Variants in ZBTB20 observed in about 807,000 individuals in gnomAD.
ZBTB20 encodes zinc finger and BTB domain containing 20, also known as zinc finger and BTB domain-containing protein 20.
A neutral mutation model predicts 56.9 loss-of-function variants in ZBTB20; 9 were observed. The ratio of observed to expected loss-of-function variants is 0.16; its 90% CI spans 0.10 to 0.28. The LOEUF (loss-of-function observed/expected upper bound fraction) is 0.28, where lower values mean the gene tolerates loss of function less well. Among genes scored for constraint, ZBTB20 ranks in the 10% least tolerant of loss-of-function variants. ZBTB20 has a pLI of 1.00. For missense variants in ZBTB20, 655 were observed against 1,003.0 expected (o/e 0.65, Z 4.69); for synonymous variants, 417 against 420.7 (o/e 0.99, Z 0.11).
chr3:114,380,791 T>G lies in ZBTB20; in HGVS notation c.-4A>C. The G allele has an allele frequency of 6.6e-7, 1 of 1,511,122 alleles. No homozygotes were observed. Among genetic ancestry groups the G allele is most frequent in the Non-Finnish European group, 8.8e-7 (1 of 1,137,854 alleles). 93.6% of individuals were successfully genotyped at this position (1,511,122 alleles called of 1,614,324 possible). ...GGAAGTTTTACCGTTCTAGCATTTG[T>G]CAGGAAGCTTAGAGACAGGACTCGT... On this transcript the variant is annotated 5_prime_UTR_variant, in exon 9 of 12. Coordinates refer to ENST00000675478, the MANE Select transcript of ZBTB20 (RefSeq NM_001348800.3).
intron 6 of ZBTB20, among the ~76,000 whole-genome samples, chr3:114,686,872 T>C (rs2062373044): frequency 6.6e-6 from 1 of 152,150 alleles, no homozygotes; most frequent in Non-Finnish European, 1.5e-5. Flanking sequence ...GACCTCACCC[T>C]CTTGGATCAG....
intron 3 of ZBTB20, among the ~76,000 whole-genome samples, chr3:114,935,079 AT>A (rs1560415474): frequency 6.6e-6 from 1 of 152,168 alleles, no homozygotes; most frequent in South Asian, 2.1e-4. Flanking sequence ...GAAAAAATCA[AT>A]TTGGGTCATG....
chr3:114,455,898 C>A (rs2091983814), intron 7 of ZBTB20, among the ~76,000 whole-genome samples: 1 of 152,032 alleles, frequency 6.6e-6, no homozygotes, highest in African/African-American at 2.4e-5. Context: ...CCCCAGAGAT[C>A]AATCTCTCCC....
chr3:114,957,952 A>G lies in ZBTB20; in HGVS notation c.-456+16414T>C, dbSNP rs573987521. On this transcript the variant is annotated intron_variant, in intron 3 of 11. Transcript: ENST00000675478. ...CACCCATCAATCTAATACTAAATTC[A>G]TTAGCAAAATGAAATGAAAAGAACA... is the stretch of plus-strand genomic sequence containing the variant. Among the ~76,000 whole-genome samples, 6 of 152,302 alleles carry G rather than the reference A, an allele frequency of 3.9e-5. No homozygotes were observed. In the South Asian group the frequency reaches 1.2e-3, roughly 32 times the overall value.
intron 11 of ZBTB20, among the ~76,000 whole-genome samples, chr3:114,340,796 T>C (rs1012568008): frequency 2.0e-5 from 3 of 152,188 alleles, no homozygotes; most frequent in Non-Finnish European, 4.4e-5. Flanking sequence ...AGGATAATAT[T>C]TCAACATTTG....
chr3:114,468,209 G>A (rs1009867904), intron 7 of ZBTB20, among the ~76,000 whole-genome samples: 21 of 152,172 alleles, frequency 1.4e-4, no homozygotes, highest in African/African-American at 5.1e-4. Context: ...CTTTTCTCAA[G>A]TATTTAAAAC....
intron 6 of ZBTB20, among the ~76,000 whole-genome samples, chr3:114,543,496 G>A (rs2049359354): frequency 6.6e-6 from 1 of 152,126 alleles, no homozygotes; most frequent in Non-Finnish European, 1.5e-5. Context: ...TCAAGCCTTA[G>A]CCCCCATCTC....
At chr3:114,618,472 G>T (rs931957225) in intron 6 of ZBTB20, among the ~76,000 whole-genome samples, 1 of 151,406 alleles carries the variant, frequency 6.6e-6, no homozygotes, top group Non-Finnish European at 1.5e-5. Context: ...TACCCAGACT[G>T]GTCTCAAACT....
At chr3:114,996,875 G>GA (rs1036290940) in intron 2 of ZBTB20, among the ~76,000 whole-genome samples, 31 of 151,186 alleles carry the variant, frequency 2.1e-4, no homozygotes, top group African/African-American at 6.8e-4. Flanking sequence ...AATAAACATG[G>GA]AAAAAAAAGC....
intron 5 of ZBTB20, among the ~76,000 whole-genome samples, chr3:114,740,974 A>C (rs1223469829): frequency 6.6e-6 from 1 of 152,194 alleles, no homozygotes; most frequent in African/African-American, 2.4e-5. Context: ...TGGAGATAAA[A>C]ATAATATTAT....
rs1456973394 is a variant in ZBTB20, at chr3:114,434,338, T to TC, written c.-254-45234dup. On this transcript the variant is annotated intron_variant, in intron 7 of 11. Coordinates refer to ENST00000675478, the MANE Select transcript of ZBTB20 (RefSeq NM_001348800.3). ...AAGGAGTATGAGTTGGAATCCATGTTCTCTAGATGTGACGATGGAGTTCGG... is the reference window on the plus strand; with the variant it reads ...AAGGAGTATGAGTTGGAATCCATGTTCCTCTAGATGTGACGATGGAGTTCGG... Among the ~76,000 whole-genome samples, 17 of 152,060 alleles carry TC rather than the reference T, an allele frequency of 1.1e-4. No homozygotes were observed. The East Asian group carries it at 3.1e-3, about 28-fold the overall frequency.
chr3:114,428,691 C>T (rs2089899511), intron 7 of ZBTB20, among the ~76,000 whole-genome samples: 2 of 152,198 alleles, frequency 1.3e-5, no homozygotes, highest in Admixed American at 1.3e-4. Flanking sequence ...CAAATAATTT[C>T]ATTTGTGATT....
intron 2 of ZBTB20, among the ~76,000 whole-genome samples, chr3:115,014,298 G>C (rs1028643288): frequency 6.6e-6 from 1 of 151,448 alleles, no homozygotes; most frequent in African/African-American, 2.4e-5. Flanking sequence ...AAGTGGGGAT[G>C]GTTAATGGGT....
At chr3:114,855,321 C>A (rs545911813) in intron 4 of ZBTB20, among the ~76,000 whole-genome samples, 2 of 152,076 alleles carry the variant, frequency 1.3e-5, no homozygotes. Context: ...AAAACAAAGA[C>A]AGAATGATGA....
At chr3:114,993,431 C>T (rs2078900909) in intron 2 of ZBTB20, among the ~76,000 whole-genome samples, 1 of 151,778 alleles carries the variant, frequency 6.6e-6, no homozygotes. Context: ...TTTGAACTAA[C>T]TGATGTGTAA....
intron 3 of ZBTB20, among the ~76,000 whole-genome samples, chr3:114,948,293 C>T (rs2076951546): frequency 1.4e-5 from 2 of 144,222 alleles, no homozygotes; most frequent in Admixed American, 1.3e-4. Context: ...ACTCAGCAAA[C>T]TCACGAATTG....
At chr3:114,850,337 A>T (rs970674000) in intron 4 of ZBTB20, among the ~76,000 whole-genome samples, 1 of 152,134 alleles carries the variant, frequency 6.6e-6, no homozygotes, top group African/African-American at 2.4e-5. Flanking sequence ...TATAAACAGG[A>T]TTTTTCATAG....
intron 1 of ZBTB20, among the ~76,000 whole-genome samples, chr3:115,130,033 A>G (rs1269616234): frequency 2.6e-5 from 4 of 152,208 alleles, no homozygotes; most frequent in Non-Finnish European, 4.4e-5. Flanking sequence ...GATTTTCATT[A>G]TCATCACTGT....
intron 7 of ZBTB20, among the ~76,000 whole-genome samples, chr3:114,451,162 A>G (rs2109027172): frequency 6.6e-6 from 1 of 150,640 alleles, no homozygotes; most frequent in South Asian, 2.1e-4. Flanking sequence ...CCACAGACAC[A>G]TCGTTCACTA....
Sources: allele counts gnomAD v4.1 joint callset (sites outside exome capture counted in the v4.1 genomes callset), GRCh38; gene constraint gnomAD v4.1.1; transcripts MANE v1.5; gene names NCBI Gene and HGNC (gene_info 2026-07-23, HGNC 2026-07-21).